The following RNF141 variants were observed in gnomAD, a reference collection of about 807,000 sequenced individuals.
RNF141 encodes the protein C3HC4-like zinc finger protein.
In RNF141, 18 loss-of-function variants were observed where a neutral mutation model predicts 27.4. The ratio of observed to expected loss-of-function variants is 0.66; its 90% CI spans 0.45 to 0.97. RNF141 has a LOEUF of 0.97. RNF141 is among the 50% of genes least tolerant of loss of function. The probability of loss-of-function intolerance (pLI) is 0.00; values close to 1 mark genes in which losing one functional copy is unlikely to be tolerated. For synonymous variants in RNF141, 97 were observed against 96.6 expected, an observed-to-expected ratio of 1.00 and a Z score of -0.02; for missense variants, 230 against 279.4, an observed-to-expected ratio of 0.82 and a Z score of 1.26.
rs181789562 is a variant in RNF141, at chr11:10,518,823, C to T, written c.542+211G>A. ...TTTTCATACAGCAAAAGAAAAGTGT[C>T]AAAACTAAGGTACACCCCCATATTT... On this transcript the variant is annotated intron_variant, in intron 5 of 5. Coordinates refer to ENST00000265981, the MANE Select transcript of RNF141 (RefSeq NM_016422.4). 888 of 419,402 alleles carry T rather than the reference C, an allele frequency of 2.1e-3. 4 individuals are homozygous for T. The highest frequency in any genetic ancestry group is 0.016 in the African/African-American group (798 of 48,618). 26.0% of individuals were successfully genotyped at this position (419,402 alleles called of 1,614,324 possible).
At chr11:10,516,415 CGA>C (rs1020571881) in intron 5 of RNF141, 1 of 152,282 alleles carries the variant, frequency 6.6e-6, no homozygotes, top group African/African-American at 2.4e-5. Flanking sequence ...CTTACAGCCT[CGA>C]GAGTTTCTAG....
At chr11:10,527,317 A>T (rs558807979) in intron 3 of RNF141, among the ~76,000 whole-genome samples, 2 of 152,360 alleles carry the variant, frequency 1.3e-5, no homozygotes, top group Admixed American at 1.3e-4. Flanking sequence ...AAGATGAAAC[A>T]GGGGAGAAGG....
At chr11:10,540,113 T>C (rs748971316) in intron 1 of RNF141, among the ~76,000 whole-genome samples, 10 of 152,116 alleles carry the variant, frequency 6.6e-5, no homozygotes, top group Admixed American at 2.6e-4. Flanking sequence ...AGGTGACTAA[T>C]TTAGGATCGT....
At chr11:10,522,814 A>T (rs1849898498) in intron 4 of RNF141, among the ~76,000 whole-genome samples, 1 of 152,220 alleles carries the variant, frequency 6.6e-6, no homozygotes, top group Non-Finnish European at 1.5e-5. Context: ...ATGTCTTTTA[A>T]TTCTCTCAAA....
In RNF141 at chr11:10,514,461, TAGTA is replaced by T. The variant is rs2133963638; in HGVS notation, c.*451_*454del. On this transcript the variant is annotated 3_prime_UTR_variant, in exon 6 of 6. Transcript: ENST00000265981. ...TTCCAGCAGAAAGACTAGTTTTAAGTAGTAACATGCACGTTGAAGTATTCTACAT... is the reference window on the plus strand; with the variant it reads ...TTCCAGCAGAAAGACTAGTTTTAAGTACATGCACGTTGAAGTATTCTACAT... The T allele has an allele frequency of 1.3e-5, 2 of 153,176 alleles. No homozygotes were observed. Among genetic ancestry groups the T allele is most frequent in the East Asian group, 3.9e-4 (2 of 5,194 alleles). The allele number at this position is 153,176 out of a possible 1,614,324, so 9.5% of individuals were successfully genotyped here. A position where few individuals can be genotyped will look rare whatever the true frequency, so the allele number is the denominator to read the frequency against.
At chr11:10,516,415 C>T (rs1290485889) in intron 5 of RNF141, 3 of 152,164 alleles carry the variant, frequency 2.0e-5, no homozygotes, top group Non-Finnish European at 2.9e-5. Flanking sequence ...CTTACAGCCT[C>T]GAGAGTTTCT....
At chr11:10,521,638 A>G (rs926417273) in intron 4 of RNF141, among the ~76,000 whole-genome samples, 1 of 152,262 alleles carries the variant, frequency 6.6e-6, no homozygotes, top group East Asian at 1.9e-4. Flanking sequence ...TGTATATTAA[A>G]TATAGTAAGT....
rs1849813283 is a variant in RNF141 at position 10,512,920 on chromosome 11, CTT to C, written c.*1994_*1995del. On this transcript the variant is annotated 3_prime_UTR_variant, in exon 6 of 6. Coordinates refer to ENST00000265981, the MANE Select transcript of RNF141 (RefSeq NM_016422.4). Reference sequence around the variant, plus strand: ...AATAAGGAAATTTATAATAATATGACTTTTATATAGTGGGGTATAGGGTATGT... The same window carrying C: ...AATAAGGAAATTTATAATAATATGACTTATATAGTGGGGTATAGGGTATGT... 1 of 151,926 alleles carries C rather than the reference CTT, an allele frequency of 6.6e-6. No homozygotes were observed. Among genetic ancestry groups the C allele is most frequent in the Non-Finnish European group, 1.5e-5 (1 of 68,004 alleles). 9.4% of individuals were successfully genotyped at this position (151,926 alleles called of 1,614,324 possible). A position where few individuals can be genotyped will look rare whatever the true frequency, so the allele number is the denominator to read the frequency against.
chr11:10,530,599 C>G (rs367997885), intron 3 of RNF141, 44 bp downstream of exon 3: 180 of 1,134,514 alleles, frequency 1.6e-4, no homozygotes, highest in Non-Finnish European at 2.2e-4. Flanking sequence ...TTCTAGCCAC[C>G]AAAATAGCTT....
Position 10,513,083 on chromosome 11 carries a change from A to C in RNF141, c.*1833T>G, listed in dbSNP as rs1276256950. ...ATAAACAAGAGTAAGAGACTTTCTC[A>C]AGGTCACACAACCACCAAGTGCATT... On this transcript the variant is annotated 3_prime_UTR_variant, in exon 6 of 6. Coordinates refer to ENST00000265981, the MANE Select transcript of RNF141 (RefSeq NM_016422.4). 5.9e-5 allele frequency: 9 copies of C among 152,202 alleles called. No individual in the cohort carries two copies. Among genetic ancestry groups the C allele is most frequent in the Admixed American group, 4.6e-4 (7 of 15,282 alleles). The allele number at this position is 152,202 out of a possible 1,614,324, so 9.4% of individuals were successfully genotyped here.
chr11:10,517,260 C>G (rs1440301730), intron 5 of RNF141: 1 of 151,586 alleles, frequency 6.6e-6, no homozygotes, highest in Non-Finnish European at 1.5e-5. Context: ...GAATTAATGG[C>G]AAGTTAGACA....
intron 3 of RNF141, among the ~76,000 whole-genome samples, chr11:10,528,390 T>C (rs756454511): frequency 2.6e-4 from 39 of 152,196 alleles, no homozygotes; most frequent in Admixed American, 1.4e-3. Flanking sequence ...CATGAAAAAA[T>C]ATCTAATTGC....
chr11:10,523,510 C>G (rs1258928145), intron 4 of RNF141, among the ~76,000 whole-genome samples: 1 of 152,204 alleles, frequency 6.6e-6, no homozygotes, highest in Non-Finnish European at 1.5e-5. Flanking sequence ...TGTAAAACAT[C>G]AATGGAATTA....
chr11:10,536,839 G>T (rs1026982863), intron 1 of RNF141, among the ~76,000 whole-genome samples: 3 of 152,150 alleles, frequency 2.0e-5, no homozygotes, highest in Admixed American at 2.0e-4. Flanking sequence ...CTAAACTCTT[G>T]CTAGAAGCAG....
chr11:10,517,337 A>G (rs1419701311), intron 5 of RNF141: 1 of 152,164 alleles, frequency 6.6e-6, no homozygotes, highest in African/African-American at 2.4e-5. Flanking sequence ...ACCCAGAGAA[A>G]GACTCAAAAA....
chr11:10,518,841 C>A, intron 5 of RNF141, 193 bp downstream of exon 5: 2 of 478,416 alleles, frequency 4.2e-6, no homozygotes, highest in South Asian at 6.7e-5. Context: ...AGGTACACCC[C>A]CATATTTAAT....
intron 4 of RNF141, among the ~76,000 whole-genome samples, chr11:10,524,270 C>T (rs1442531185): frequency 6.6e-6 from 1 of 152,162 alleles, no homozygotes; most frequent in South Asian, 2.1e-4. Context: ...AAAAAATTAG[C>T]CGGGCGTGGT....
chr11:10,539,107 A>G (rs1850062528), intron 1 of RNF141, among the ~76,000 whole-genome samples: 1 of 152,210 alleles, frequency 6.6e-6, no homozygotes, highest in African/African-American at 2.4e-5. Context: ...AAGGATTCCA[A>G]AAATGCCACA....
At chr11:10,533,392 A>AAAAT (rs1337615740) in intron 2 of RNF141, among the ~76,000 whole-genome samples, 1 of 152,160 alleles carries the variant, frequency 6.6e-6, no homozygotes, top group Admixed American at 6.5e-5. Context: ...ATTTCATTTT[A>AAAAT]GAAATTTAGT....
Sources: allele counts gnomAD v4.1 joint callset (sites outside exome capture counted in the v4.1 genomes callset), GRCh38; gene constraint gnomAD v4.1.1; transcripts MANE v1.5; gene names NCBI Gene and HGNC (gene_info 2026-07-23, HGNC 2026-07-21).